The following ZNF624 variants were observed in gnomAD, a reference collection of about 807,000 sequenced individuals.
ZNF624 encodes zinc finger protein 624.
ZNF624 carries 43 observed loss-of-function variants against 74.7 expected under a neutral mutation model. The observed-to-expected ratio is 0.58, with a 90% CI of 0.45 to 0.74. The LOEUF (loss-of-function observed/expected upper bound fraction) is 0.74. ZNF624 is among the 30% of genes least tolerant of loss of function. ZNF624 has a pLI of 0.00. For synonymous variants in ZNF624, 331 were observed against 341.3 expected (o/e 0.97, Z 0.33); for missense variants, 820 against 1,030.0 (o/e 0.80, Z 2.79).
chr17:16,619,574 C>T (rs1412991588), downstream of ZNF624, among the ~76,000 whole-genome samples: 3 of 152,184 alleles, frequency 2.0e-5, no homozygotes, highest in Non-Finnish European at 2.9e-5. Context: ...CAACACATAT[C>T]GAAAGGAGGG....
At chr17:16,617,806 C>T (rs373742718), downstream of ZNF624, 21 of 1,612,060 alleles carry the variant, frequency 1.3e-5, no homozygotes, top group East Asian at 3.1e-4. Flanking sequence ...AGGAGGCGGC[C>T]ATAGCCACTG....
At chr17:16,617,734 C>G, downstream of ZNF624, 1 of 1,603,398 alleles carries the variant, frequency 6.2e-7, no homozygotes, top group Non-Finnish European at 8.5e-7. Flanking sequence ...TAAAGGGCGT[C>G]GTCGGTGTCG....
chr17:16,623,451 T>G lies in ZNF624; in HGVS notation c.1435A>C (p.Lys479Gln). The change falls in exon 6 of 6, where the codon AAA (lysine) becomes CAA (glutamine). Residue 479 changes from lysine to glutamine, a missense_variant. Transcript: ENST00000311331. This position sits in a 1 kb window ranked among gnomAD's most constrained non-coding sequence, Gnocchi z 5.3. The part of the protein sequence containing the change: ...EKPFRCNECG[K>Q]AYRSNSSLIV... ...AGGCTTGAATTACTTCTATAGGCTT[T>G]TCCACATTCGTTACATCTAAAAGGT... is the stretch of plus-strand genomic sequence containing the variant. The G allele has an allele frequency of 1.9e-6, 3 of 1,614,034 alleles. No individual in the cohort carries two copies. Among genetic ancestry groups the G allele is most frequent in the Non-Finnish European group, 2.5e-6 (3 of 1,179,978 alleles).
At chr17:16,646,628 TA>T (rs1409309921) in intron 3 of ZNF624, among the ~76,000 whole-genome samples, 2 of 152,266 alleles carry the variant, frequency 1.3e-5, no homozygotes, top group Non-Finnish European at 2.9e-5. Flanking sequence ...CAAACCTGGT[TA>T]ATGTCCTACA....
chr17:16,633,729 G>C (rs1358081731), intron 5 of ZNF624, 133 bp downstream of exon 5: 3 of 625,308 alleles, frequency 4.8e-6, no homozygotes, highest in African/African-American at 1.8e-5. Flanking sequence ...CAGGCAGTGA[G>C]ATGGGGGATC....
intron 2 of ZNF624, among the ~76,000 whole-genome samples, chr17:16,647,638 T>G (rs1035536233): frequency 6.6e-6 from 1 of 152,176 alleles, no homozygotes. Context: ...AAAGAACCTA[T>G]CAAAACAAAA....
Position 16,633,930 on chromosome 17 carries a change from A to G in ZNF624, c.308T>C (p.Ile103Thr), listed in dbSNP as rs1909264959. 1 of 1,613,428 alleles carries G rather than the reference A, an allele frequency of 6.2e-7. No individual in the cohort carries two copies. Residue 103 changes from isoleucine to threonine, a missense_variant, in exon 5 of 6, where the codon ATA (isoleucine) becomes ACA (threonine). Physicochemically the swap from Ile to Thr is moderately conservative, Grantham distance 89. Transcript: ENST00000311331. The part of the protein sequence containing the change: ...LGLAVSKPDM[I>T]SHLENGKGPW... ...TCCTTTCCCATTCTCCAAATGAGAT[A>G]TCATGTCTGGTTTGGAAACTGCAAG...
chr17:16,641,959 A>ACTTT (rs1909476584), intron 3 of ZNF624, among the ~76,000 whole-genome samples: 1 of 152,248 alleles, frequency 6.6e-6, no homozygotes, highest in Admixed American at 6.5e-5. Flanking sequence ...TGTGTAAAAC[A>ACTTT]TGCACACTGA....
chr17:16,617,299 C>A, downstream of ZNF624: 1 of 1,613,804 alleles, frequency 6.2e-7, no homozygotes, highest in Non-Finnish European at 8.5e-7. Context: ...AGACCTGGAT[C>A]TGCTTCCAGA....
At position 16,633,848 on chromosome 17, in the gene ZNF624, T is replaced by A. The variant is rs759528148; in HGVS notation, c.376+14A>T. The A allele has an allele frequency of 1.9e-6, 3 of 1,594,290 alleles. No individual in the cohort carries two copies. On this transcript the variant is annotated intron_variant, in intron 5 of 5. Coordinates refer to ENST00000311331, the MANE Select transcript of ZNF624 (RefSeq NM_020787.4). ...TTCAAATAAATCCCATCTTCTTGGT[T>A]CTGTTTAACTCACCAGGATAGGGAA...
intron 3 of ZNF624, 110 bp from the exon 4 acceptor site, chr17:16,634,866 T>C (rs1597494593): frequency 4.0e-6 from 4 of 990,948 alleles, no homozygotes; most frequent in Non-Finnish European, 5.9e-6. Flanking sequence ...CACCAAATGA[T>C]CATGTAGGTC....
chr17:16,624,098 A>G lies in ZNF624; in HGVS notation c.788T>C (p.Leu263Pro), dbSNP rs1304134938. 3.1e-6 allele frequency: 5 copies of G among 1,614,040 alleles called. No homozygotes were observed. The East Asian group carries it at 1.1e-4, about 36-fold the overall frequency. The change falls in exon 6 of 6, where the codon CTA becomes CCA. Residue 263 changes from leucine (L) to proline (P), a missense_variant. Leu to Pro is a moderately conservative substitution (Grantham distance 98). Transcript: ENST00000311331. ...ATTATTGGATTTTTTCCCCAAAGTT[A>G]GTTCTGAAGTCTGCCTTATGGCTTT... The part of the protein sequence containing the change: ...GSKAIRQTSE[L>P]TLGKKSNNKE...
downstream of ZNF624, among the ~76,000 whole-genome samples, chr17:16,619,116 G>A (rs1908849715): frequency 6.6e-6 from 1 of 152,130 alleles, no homozygotes; most frequent in Non-Finnish European, 1.5e-5. Context: ...ATGTTCAACT[G>A]CAAAACAAGG....
At chr17:16,646,936 A>C (rs1040822840) in intron 3 of ZNF624, among the ~76,000 whole-genome samples, 1 of 152,306 alleles carries the variant, frequency 6.6e-6, no homozygotes, top group Admixed American at 6.5e-5. Flanking sequence ...TTCTGGAAAA[A>C]TGAAGTGGAT....
At chr17:16,624,568 A>T (rs1038586698) in intron 5 of ZNF624, 59 bp from the exon 6 acceptor site, 40 of 1,404,334 alleles carry the variant, frequency 2.8e-5, no homozygotes, top group Non-Finnish European at 3.7e-5. Context: ...CAATCTCACT[A>T]AACAGAATAA....
downstream of ZNF624, among the ~76,000 whole-genome samples, chr17:16,615,909 C>A (rs1300672986): frequency 1.4e-5 from 2 of 142,152 alleles, no homozygotes; most frequent in Non-Finnish European, 3.0e-5. Context: ...GTGAATTTAG[C>A]AAGGTCACTG....
At chr17:16,617,737 C>T (rs1908822073), downstream of ZNF624, 2 of 1,603,258 alleles carry the variant, frequency 1.2e-6, no homozygotes, top group African/African-American at 1.3e-5. Context: ...AGGGCGTCGT[C>T]GGTGTCGCGG....
chr17:16,639,279 A>G (rs1909412388), intron 3 of ZNF624, among the ~76,000 whole-genome samples: 1 of 152,180 alleles, frequency 6.6e-6, no homozygotes, highest in Admixed American at 6.5e-5. Flanking sequence ...TTAGATATGT[A>G]TGCTTGTCAT....
At chr17:16,641,615 G>A (rs908706284) in intron 3 of ZNF624, among the ~76,000 whole-genome samples, 1 of 152,082 alleles carries the variant, frequency 6.6e-6, no homozygotes, top group South Asian at 2.1e-4. Flanking sequence ...ACATTATATC[G>A]TACATTTTGC....
Sources: gnomAD v4.1 joint callset for allele counts (sites outside exome capture counted in the v4.1 genomes callset) on GRCh38, gnomAD v4.1.1 for gene constraint, Gnocchi (gnomAD v3.1) non-coding constraint, MANE v1.5 for transcripts, NCBI Gene and HGNC (gene_info 2026-07-23, HGNC 2026-07-21) for gene names.